PKD2: variants seen among roughly 807,000 people sequenced by gnomAD.
PKD2 encodes polycystin 2, transient receptor potential cation channel.
Under a neutral mutation model 105.9 loss-of-function variants are expected in PKD2, and 48 were observed. The observed-to-expected ratio is 0.45, with a 90% CI of 0.36 to 0.58. The LOEUF (loss-of-function observed/expected upper bound fraction) is 0.58, where lower values mean the gene tolerates loss of function less well. PKD2 is among the 20% of genes least tolerant of loss of function. The pLI is 0.00. For missense variants in PKD2, 1,078 were observed against 1,255.3 expected (o/e 0.86, Z 2.13); for synonymous variants, 464 against 481.1 (o/e 0.96, Z 0.46).
At chr4:88,012,997 T>TAC (rs1462064308) in intron 1 of PKD2, among the ~76,000 whole-genome samples, 1 of 152,182 alleles carries the variant, frequency 6.6e-6, no homozygotes, top group Non-Finnish European at 1.5e-5. Context: ...TACACATATA[T>TAC]ACACACACAC....
At chr4:88,056,559 G>T (rs1279732368) in intron 8 of PKD2, among the ~76,000 whole-genome samples, 1 of 152,286 alleles carries the variant, frequency 6.6e-6, no homozygotes, top group Non-Finnish European at 1.5e-5. Flanking sequence ...AATGCAGATG[G>T]TAGCTTCTAG....
Position 88,019,562 on chromosome 4 carries a change from T to C in PKD2, c.700T>C (p.Leu234=). 6.6e-7 allele frequency: 1 copy of C among 1,508,174 alleles called. No individual in the cohort carries two copies. The highest frequency in any genetic ancestry group is 2.3e-5 in the East Asian group (1 of 44,386). The allele number at this position is 1,508,174 out of a possible 1,614,324, so 93.4% of individuals were successfully genotyped here. A position where few individuals can be genotyped will look rare whatever the true frequency, so the allele number is the denominator to read the frequency against. Residue 234 remains leucine, a synonymous_variant, in exon 2 of 15, where the codon TTG becomes CTG. Transcript: ENST00000237596. ...LVTYLLFLIV[L]CILTYGMMSS... is the part of the protein sequence containing the mutation. ...CACATACCTCCTTTTTCTCATAGTC[T>C]TGTGCATCTGTAAGTAGAATATTTC...
rs759667246 is a variant in PKD2, at chr4:88,067,902, A to G, written c.2363A>G (p.Asp788Gly). The change falls in exon 13 of 15, where the codon GAC (aspartate) becomes GGC (glycine). Residue 788 changes from aspartate (D) to glycine (G), a missense_variant. Around this residue, in one of 2 missense-constraint regions of PKD2, gnomAD observed 868 missense variants for 1,067.3 expected, o/e 0.81. Transcript: ENST00000237596. ...MRDDLEKERE[D>G]LDLDHSSLPR... is the part of the protein sequence containing the mutation. ...CAGTGACCCCTTGTTCTTCAGGAGG[A>G]CCTGGATTTGGATCACAGTTCTTTA... 1.1e-5 allele frequency: 17 copies of G among 1,613,562 alleles called. No homozygotes were observed. The African/African-American group carries it at 1.7e-4, about 16-fold the overall frequency.
chr4:88,035,705 A>T (rs1311309161), intron 2 of PKD2, among the ~76,000 whole-genome samples: 1 of 152,202 alleles, frequency 6.6e-6, no homozygotes, highest in Non-Finnish European at 1.5e-5. Context: ...GTTCGTAAAG[A>T]TTAGCCTCAG....
At chr4:88,041,363 G>T (rs1391734486) in intron 4 of PKD2, among the ~76,000 whole-genome samples, 1 of 152,152 alleles carries the variant, frequency 6.6e-6, no homozygotes, top group African/African-American at 2.4e-5. Context: ...TGCTAAGGGA[G>T]CTGTGTCAGG....
intron 13 of PKD2, among the ~76,000 whole-genome samples, chr4:88,072,829 G>A (rs1349287867): frequency 6.6e-6 from 1 of 151,806 alleles, no homozygotes; most frequent in Non-Finnish European, 1.5e-5. Context: ...CTTGAGCCAG[G>A]AGTTCAGGAC....
At chr4:88,046,277 G>A (rs190024788) in intron 5 of PKD2, among the ~76,000 whole-genome samples, 36 of 152,252 alleles carry the variant, frequency 2.4e-4, no homozygotes, top group African/African-American at 7.7e-4. Context: ...GCAACAAAGC[G>A]AGTCCCTGTC....
At chr4:88,050,650 C>T (rs948362673) in intron 6 of PKD2, among the ~76,000 whole-genome samples, 2 of 152,112 alleles carry the variant, frequency 1.3e-5, no homozygotes, top group African/African-American at 4.8e-5. Context: ...TAAAGAGTTA[C>T]CATTGGATCC....
intron 2 of PKD2, among the ~76,000 whole-genome samples, chr4:88,020,126 C>A (rs1251658080): frequency 1.3e-5 from 2 of 152,098 alleles, no homozygotes; most frequent in African/African-American, 4.8e-5. Flanking sequence ...GATTCCTTAA[C>A]AATGAATACA....
chr4:88,070,626 A>T (rs1401196918), intron 13 of PKD2, among the ~76,000 whole-genome samples: 1 of 147,496 alleles, frequency 6.8e-6, no homozygotes, highest in Non-Finnish European at 1.5e-5. Flanking sequence ...AGAGAGAGAG[A>T]GAAAGAGAGA....
rs554608570 is a variant in PKD2, at chr4:88,043,428, C to T, written c.1290C>T (p.Asn430=). 2.2e-5 allele frequency: 35 copies of T among 1,613,352 alleles called. No individual in the cohort carries two copies. The highest frequency in any genetic ancestry group is 1.3e-4 in the Admixed American group (8 of 59,966). The change falls in exon 5 of 15, where the codon AAC becomes AAT. Residue 430 remains asparagine, a synonymous_variant. Coordinates refer to ENST00000237596, the MANE Select transcript of PKD2 (RefSeq NM_000297.4). ...RATFIDFSVY[N]ANINLFCVVR... The stretch of plus-strand genomic sequence containing the variant: ...CTTTTATTGACTTCTCAGTGTACAA[C>T]GCCAACATTAACCTGTTCTGTGTGG...
intron 1 of PKD2, among the ~76,000 whole-genome samples, chr4:88,015,788 T>G (rs1726540043): frequency 6.6e-6 from 1 of 152,184 alleles, no homozygotes; most frequent in African/African-American, 2.4e-5. Context: ...TCAAAGCCAA[T>G]TATTTATGTT....
chr4:88,075,278 T>G (rs936077307), intron 14 of PKD2, among the ~76,000 whole-genome samples, 180 bp from the exon 15 acceptor site: 4 of 152,220 alleles, frequency 2.6e-5, no homozygotes, highest in Admixed American at 6.5e-5. Context: ...CTCCATATGC[T>G]AATGGTCCTG....
intron 13 of PKD2, among the ~76,000 whole-genome samples, chr4:88,069,811 C>T (rs964100612): frequency 8.5e-5 from 13 of 152,166 alleles, no homozygotes; most frequent in African/African-American, 2.2e-4. Flanking sequence ...TATCATCTGT[C>T]GTCATTCTCT....
rs774103805 is a variant in PKD2, at chr4:88,019,520, G to C, written c.658G>C (p.Val220Leu). 14 of 1,608,706 alleles carry C rather than the reference G, an allele frequency of 8.7e-6. No individual in the cohort carries two copies. In the African/African-American group the frequency reaches 1.9e-4, roughly 22 times the overall value. Residue 220 changes from valine (V) to leucine (L), a missense_variant, in exon 2 of 15, where the codon GTT (valine) becomes CTT (leucine). This residue lies in a region of PKD2 where 868 missense variants were observed against 1,067.3 expected (regional missense o/e 0.81). Transcript: ENST00000237596. Reference sequence around the variant, plus strand: ...TAACCGAGAGAAATACCTTAAAAGTGTTTTACGGGAACTGGTCACATACCT... The same window carrying C: ...TAACCGAGAGAAATACCTTAAAAGTCTTTTACGGGAACTGGTCACATACCT... ...STNREKYLKS[V>L]LRELVTYLLF...
intron 13 of PKD2, among the ~76,000 whole-genome samples, chr4:88,072,032 G>C (rs539012250): frequency 1.4e-4 from 21 of 146,624 alleles, no homozygotes; most frequent in African/African-American, 5.3e-4. Flanking sequence ...GCCCAGGCCG[G>C]AATGTAGTGG....
At chr4:88,030,726 G>C (rs1400695457) in intron 2 of PKD2, among the ~76,000 whole-genome samples, 1 of 152,198 alleles carries the variant, frequency 6.6e-6, no homozygotes, top group Non-Finnish European at 1.5e-5. Context: ...CTTCACACAG[G>C]GTTGTCAGAC....
intron 2 of PKD2, among the ~76,000 whole-genome samples, chr4:88,031,404 T>C (rs1727147023): frequency 6.6e-6 from 1 of 152,212 alleles, no homozygotes; most frequent in Non-Finnish European, 1.5e-5. Flanking sequence ...TGTTTGTATT[T>C]TATTTCCACT....
At position 88,074,961 on chromosome 4, in the gene PKD2, TC is replaced by T. The variant is rs769739458; in HGVS notation, c.2670+3del. 6.2e-7 allele frequency: 1 copy of T among 1,613,968 alleles called. No individual in the cohort carries two copies. On this transcript the variant is annotated splice_donor_region_variant and intron_variant, in intron 14 of 14. Coordinates refer to ENST00000237596, the MANE Select transcript of PKD2 (RefSeq NM_000297.4). ...AGGCTGTTGGATGGGGTGGCCGAGG[TC>T]AGTAGTCATGAGCTGAAAACACCGC...
Sources: allele counts gnomAD v4.1 joint callset (sites outside exome capture counted in the v4.1 genomes callset), GRCh38; gene constraint gnomAD v4.1.1; regional missense constraint gnomAD v4.1.1; transcripts MANE v1.5; gene names NCBI Gene and HGNC (gene_info 2026-07-23, HGNC 2026-07-21).